The following MGST1 variants were observed in gnomAD, a reference collection of about 807,000 sequenced individuals.
The protein encoded by MGST1 is microsomal glutathione S-transferase 1.
Under a neutral mutation model 8.9 loss-of-function variants are expected in MGST1, and 5 were observed. The ratio of observed to expected loss-of-function variants is 0.56; its 90% CI spans 0.29 to 1.19. MGST1 has a LOEUF of 1.19. MGST1 is among the 50% of genes most tolerant of loss of function. The pLI, the probability that MGST1 is intolerant of heterozygous loss-of-function variation, is 0.08. For synonymous variants in MGST1, 54 were observed against 67.8 expected, an observed-to-expected ratio of 0.80 and a Z score of 1.00; for missense variants, 182 against 187.4, an observed-to-expected ratio of 0.97 and a Z score of 0.17.
chr12:16,426,125 T>C (rs895322594), intron 1 of MGST1, among the ~76,000 whole-genome samples: 1 of 152,188 alleles, frequency 6.6e-6, no homozygotes, highest in Non-Finnish European at 1.5e-5. Flanking sequence ...TATACCCTGC[T>C]CAACAAAATG....
At chr12:16,387,710 T>G (rs1040655843) in intron 1 of MGST1, among the ~76,000 whole-genome samples, 2 of 152,020 alleles carry the variant, frequency 1.3e-5, no homozygotes, top group Admixed American at 1.3e-4. Context: ...GTATTTTTAG[T>G]AGAGACGGGT....
At chr12:16,419,920 A>G (rs759460705) in intron 1 of MGST1, among the ~76,000 whole-genome samples, 1 of 152,150 alleles carries the variant, frequency 6.6e-6, no homozygotes, top group Non-Finnish European at 1.5e-5. Context: ...TGAACAGACT[A>G]CTTGAATCTG....
At chr12:16,388,034 T>C (rs1199331337) in intron 1 of MGST1, among the ~76,000 whole-genome samples, 1 of 152,082 alleles carries the variant, frequency 6.6e-6, no homozygotes, top group East Asian at 2.0e-4. Flanking sequence ...TTCACAAAGA[T>C]AAAATCACCT....
intron 1 of MGST1, among the ~76,000 whole-genome samples, chr12:16,412,618 A>T (rs1940751774): frequency 6.6e-6 from 1 of 152,160 alleles, no homozygotes; most frequent in East Asian, 1.9e-4. Flanking sequence ...GAGGTAATTA[A>T]ATCATGCGGA....
At chr12:16,432,666 CCTCT>C (rs200860845) in intron 1 of MGST1, among the ~76,000 whole-genome samples, 9 of 145,132 alleles carry the variant, frequency 6.2e-5, no homozygotes, top group Non-Finnish European at 1.0e-4. Flanking sequence ...GCAAATCTCT[CCTCT>C]CTCTCTCTGA....
chr12:16,504,175 A>G (rs2137171310), intron 4 of MGST1, among the ~76,000 whole-genome samples: 1 of 151,452 alleles, frequency 6.6e-6, no homozygotes, highest in Middle Eastern at 3.4e-3. Flanking sequence ...CTTTTTTGTA[A>G]CTCAAATAAA....
chr12:16,386,329 G>A (rs773581492), intron 1 of MGST1, among the ~76,000 whole-genome samples: 4 of 152,216 alleles, frequency 2.6e-5, no homozygotes, highest in Admixed American at 6.5e-5. Flanking sequence ...CGCAGGCTCT[G>A]AAGAAGCAGT....
intron 4 of MGST1, among the ~76,000 whole-genome samples, chr12:16,494,789 T>C (rs891045920): frequency 1.3e-5 from 2 of 152,128 alleles, no homozygotes; most frequent in African/African-American, 4.8e-5. Context: ...TTTCTGAAAT[T>C]AGGGTAAACG....
At chr12:16,451,179 G>A (rs1037671606) in intron 4 of MGST1, among the ~76,000 whole-genome samples, 3 of 151,762 alleles carry the variant, frequency 2.0e-5, no homozygotes, top group African/African-American at 7.3e-5. Context: ...TTAACTATAG[G>A]TGGTGGATAC....
chr12:16,411,620 G>A (rs1940743824), intron 1 of MGST1, among the ~76,000 whole-genome samples: 2 of 152,160 alleles, frequency 1.3e-5, no homozygotes, highest in African/African-American at 4.8e-5. Context: ...CAAATGGTGG[G>A]GCTTCAGATC....
intron 4 of MGST1, among the ~76,000 whole-genome samples, chr12:16,588,119 T>C (rs570893169): frequency 1.3e-4 from 20 of 152,180 alleles, no homozygotes; most frequent in African/African-American, 4.8e-4. Context: ...CTCTCCAAAT[T>C]TAAGGTGCAA....
At position 16,400,478 on chromosome 12, in the gene MGST1, G is replaced by A. The variant is rs556059164; in HGVS notation, n.778+16874G>A. On this transcript the variant is annotated intron_variant and non_coding_transcript_variant, in intron 1 of 1. Coordinates refer to the MGST1 transcript ENST00000359720. Reference sequence around the variant, plus strand: ...TTACTCCAGTTTAGATTGATCACCAGTGAGTCTTGTTTTACAATGCCCTCC... The same window carrying A: ...TTACTCCAGTTTAGATTGATCACCAATGAGTCTTGTTTTACAATGCCCTCC... 323 of 798,364 alleles carry A rather than the reference G, an allele frequency of 4.0e-4. 1 individual carries two copies. The African/African-American group carries it at 4.9e-3, about 12-fold the overall frequency. 49.5% of individuals were successfully genotyped at this position (798,364 alleles called of 1,614,324 possible).
downstream of MGST1, among the ~76,000 whole-genome samples, chr12:16,592,728 A>C (rs1943532273): frequency 6.6e-6 from 1 of 151,970 alleles, no homozygotes; most frequent in South Asian, 2.1e-4. Context: ...AAAATGTAAC[A>C]GTCTTGATTC....
intron 3 of MGST1, among the ~76,000 whole-genome samples, chr12:16,360,661 G>T (rs1283439667): frequency 6.6e-6 from 1 of 152,186 alleles, no homozygotes; most frequent in African/African-American, 2.4e-5. Context: ...GAAATACAGG[G>T]AGTCATTCAA....
At chr12:16,514,411 A>G in intron 4 of MGST1, 2 of 283,284 alleles carry the variant, frequency 7.1e-6, no homozygotes, top group East Asian at 2.1e-4. Context: ...CAAGAAGTGA[A>G]AGGCAAGGCC....
At chr12:16,376,176 G>T (rs1225203019) in exon 4 of MGST1, 2 of 1,053,438 alleles carry the variant, frequency 1.9e-6, no homozygotes, top group Admixed American at 2.2e-5. Context: ...GTTTAACTCG[G>T]CATAACCAAT....
upstream of MGST1, chr12:16,382,713 G>C (rs1247845014): frequency 6.5e-6 from 1 of 153,204 alleles, no homozygotes; most frequent in African/African-American, 2.4e-5. Context: ...CGGTCTTTTT[G>C]TTTGTCTGTG....
chr12:16,518,597 G>A (rs966080151), intron 4 of MGST1, among the ~76,000 whole-genome samples: 2 of 152,144 alleles, frequency 1.3e-5, no homozygotes, highest in Admixed American at 6.5e-5. Flanking sequence ...TTAGCAACAA[G>A]GAGACTATCT....
intron 4 of MGST1, among the ~76,000 whole-genome samples, chr12:16,566,030 ATAT>A (rs1942595632): frequency 1.2e-5 from 1 of 82,120 alleles, no homozygotes; most frequent in African/African-American, 4.8e-5. Context: ...ATATATATAT[ATAT>A]ATATATAAAA....
Sources: allele counts gnomAD v4.1 joint callset (sites outside exome capture counted in the v4.1 genomes callset), GRCh38; gene constraint gnomAD v4.1.1; transcripts MANE v1.5; gene names NCBI Gene and HGNC (gene_info 2026-07-23, HGNC 2026-07-21).